Variants in SLC9A9 observed in about 807,000 individuals in gnomAD.
SLC9A9 encodes solute carrier family 9 member A9.
In SLC9A9, 62 loss-of-function variants were observed where a neutral mutation model predicts 77.8. That is an observed-to-expected ratio of 0.80 (90% CI 0.65 to 0.98). The LOEUF is 0.98. Ranked by LOEUF, SLC9A9 falls within the 50% of genes least tolerant of loss-of-function variation. SLC9A9 has a pLI of 0.00. For missense variants in SLC9A9, 775 were observed against 774.9 expected (o/e 1.00, Z 0.00); for synonymous variants, 320 against 283.5 (o/e 1.13, Z -1.29).
chr3:143,480,882 T>C (rs565713493), intron 11 of SLC9A9, among the ~76,000 whole-genome samples: 1 of 152,214 alleles, frequency 6.6e-6, no homozygotes, highest in East Asian at 1.9e-4. Context: ...TTCCTGACAG[T>C]GTGATGGTAT....
In SLC9A9 at chr3:143,435,658, A is replaced by G. The variant is rs74664370; in HGVS notation, c.1469+31379T>C. ...TATCTTAAAGGTAGGAATCAATGACATCAAATTTTTTGGGTGATATGGGGC... is the reference window on the plus strand; with the variant it reads ...TATCTTAAAGGTAGGAATCAATGACGTCAAATTTTTTGGGTGATATGGGGC... On this transcript the variant is annotated intron_variant, in intron 12 of 15. Coordinates refer to ENST00000316549, the MANE Select transcript of SLC9A9 (RefSeq NM_173653.4). Among the ~76,000 whole-genome samples, 154 of 152,264 alleles carry G rather than the reference A, an allele frequency of 1.0e-3. 2 individuals are homozygous for G. The East Asian group carries it at 0.024, about 24-fold the overall frequency.
chr3:143,303,783 A>C (rs2030644951), intron 14 of SLC9A9, among the ~76,000 whole-genome samples: 1 of 152,186 alleles, frequency 6.6e-6, no homozygotes, highest in Non-Finnish European at 1.5e-5. Flanking sequence ...ATGACCTCTG[A>C]GATTTCCCTT....
intron 6 of SLC9A9, among the ~76,000 whole-genome samples, chr3:143,631,662 G>T (rs780313698): frequency 6.6e-6 from 1 of 152,028 alleles, no homozygotes; most frequent in African/African-American, 2.4e-5. Context: ...TCAGTTTGGA[G>T]GTGTTGTGCC....
chr3:143,577,557 G>C (rs962388370), intron 7 of SLC9A9, among the ~76,000 whole-genome samples: 1 of 152,154 alleles, frequency 6.6e-6, no homozygotes, highest in Non-Finnish European at 1.5e-5. Context: ...ATGCGGCTCT[G>C]GCACTCACTT....
intron 2 of SLC9A9, 26 bp from the exon 3 acceptor site, chr3:143,796,929 T>C: frequency 1.3e-6 from 2 of 1,561,616 alleles, no homozygotes; most frequent in Non-Finnish European, 1.8e-6. Context: ...AAAAGGATAG[T>C]TAGAATGATG....
intron 9 of SLC9A9, among the ~76,000 whole-genome samples, chr3:143,528,519 A>C (rs2036445909): frequency 6.6e-6 from 1 of 152,210 alleles, no homozygotes; most frequent in Admixed American, 6.5e-5. Flanking sequence ...TTCCCGTTTT[A>C]GCACTGAAAG....
chr3:143,726,984 T>C (rs1934670418), intron 4 of SLC9A9, among the ~76,000 whole-genome samples: 1 of 151,628 alleles, frequency 6.6e-6, no homozygotes, highest in Non-Finnish European at 1.5e-5. Flanking sequence ...TCATAGAAAA[T>C]GTTGAACAGA....
intron 5 of SLC9A9, among the ~76,000 whole-genome samples, chr3:143,667,215 A>G (rs1462244478): frequency 6.6e-6 from 1 of 152,224 alleles, no homozygotes; most frequent in African/African-American, 2.4e-5. Flanking sequence ...AAACCTGACC[A>G]AAAAAGAAAT....
At chr3:143,767,890 C>T (rs923459182) in intron 4 of SLC9A9, among the ~76,000 whole-genome samples, 1 of 152,066 alleles carries the variant, frequency 6.6e-6, no homozygotes, top group Admixed American at 6.6e-5. Flanking sequence ...GTAATTATGT[C>T]TCTCACTTCC....
In SLC9A9 at chr3:143,267,042, G is replaced by T. The variant is rs931153257; in HGVS notation, c.1711-113C>A. 114 of 936,806 alleles carry T rather than the reference G, an allele frequency of 1.2e-4. No homozygotes were observed. In the East Asian group the frequency reaches 2.9e-3, roughly 24 times the overall value. 58.0% of individuals were successfully genotyped at this position (936,806 alleles called of 1,614,324 possible). A position where few individuals can be genotyped will look rare whatever the true frequency, so the allele number is the denominator to read the frequency against. On this transcript the variant is annotated intron_variant, in intron 15 of 15. Coordinates refer to ENST00000316549, the MANE Select transcript of SLC9A9 (RefSeq NM_173653.4). ...AATGCATGTTTTCCTTTCTGTAACT[G>T]CCCTGTCTGGCCTTGGCTGATGTTT...
intron 14 of SLC9A9, among the ~76,000 whole-genome samples, chr3:143,352,043 G>C (rs2032468219): frequency 6.6e-6 from 1 of 152,162 alleles, no homozygotes; most frequent in Admixed American, 6.5e-5. Context: ...GGGTACTCTG[G>C]GGACTTCTCT....
At position 143,742,422 on chromosome 3, in the gene SLC9A9, T is replaced by C. The variant is rs1369986141; in HGVS notation, c.534-49115A>G. Among the ~76,000 whole-genome samples the C allele has an allele frequency of 2.0e-5, 3 of 152,204 alleles. No individual in the cohort carries two copies. The East Asian group carries it at 5.8e-4, about 29-fold the overall frequency. Reference sequence around the variant, plus strand: ...TTCCCCTGTCTTGATGAATTGGCTCTGTCTAGGCAGTAGGCAAGGTGAACC... The same window carrying C: ...TTCCCCTGTCTTGATGAATTGGCTCCGTCTAGGCAGTAGGCAAGGTGAACC... On this transcript the variant is annotated intron_variant, in intron 4 of 15. Coordinates refer to ENST00000316549, the MANE Select transcript of SLC9A9 (RefSeq NM_173653.4).
chr3:143,673,434 G>A (rs1027334277), intron 5 of SLC9A9, among the ~76,000 whole-genome samples: 8 of 151,940 alleles, frequency 5.3e-5, no homozygotes, highest in Non-Finnish European at 7.4e-5. Flanking sequence ...GGTGTAGACT[G>A]GCAGTCAAAT....
intron 6 of SLC9A9, among the ~76,000 whole-genome samples, chr3:143,618,347 T>C (rs1475132560): frequency 2.0e-5 from 3 of 151,750 alleles, no homozygotes; most frequent in Non-Finnish European, 4.4e-5. Flanking sequence ...TGGAAGGGAG[T>C]GTAAAGAAAA....
At position 143,575,819 on chromosome 3, in the gene SLC9A9, G is replaced by A. The variant is rs190610270; in HGVS notation, c.895-1626C>T. Among the ~76,000 whole-genome samples the A allele has an allele frequency of 1.2e-4, 18 of 152,282 alleles. No homozygotes were observed. In the South Asian group the frequency reaches 2.1e-3, roughly 18 times the overall value. On this transcript the variant is annotated intron_variant, in intron 7 of 15. Transcript: ENST00000316549. The stretch of plus-strand genomic sequence containing the variant: ...TGCAGAGCTCAGGGGCCTACAACCC[G>A]AGGAGACAGCCTCAGAATGAAATGG...
At chr3:143,578,848 G>A in intron 6 of SLC9A9, 125 bp from the exon 7 acceptor site, 1 of 1,133,546 alleles carries the variant, frequency 8.8e-7, no homozygotes, top group South Asian at 1.3e-5. Flanking sequence ...GAAGAGTTAG[G>A]GGAAAACAGA....
chr3:143,402,550 T>A (rs1281311075), intron 12 of SLC9A9, among the ~76,000 whole-genome samples: 3 of 151,478 alleles, frequency 2.0e-5, no homozygotes, highest in Non-Finnish European at 4.4e-5. Context: ...TGTTGTTGAG[T>A]GCATCTATGT....
chr3:143,693,412 A>G lies in SLC9A9; in HGVS notation c.534-105T>C, dbSNP rs545869942. 7 of 892,790 alleles carry G rather than the reference A, an allele frequency of 7.8e-6. No homozygotes were observed. The South Asian group carries it at 9.7e-5, about 12-fold the overall frequency. 55.3% of individuals were successfully genotyped at this position (892,790 alleles called of 1,614,324 possible). A position where few individuals can be genotyped will look rare whatever the true frequency, so the allele number is the denominator to read the frequency against. On this transcript the variant is annotated intron_variant, in intron 4 of 15. Transcript: ENST00000316549. ...TGTTTTTCCTGAATACGTATCATGCACAAATTGCCACCATCCTGCCAAATG... is the reference window on the plus strand; with the variant it reads ...TGTTTTTCCTGAATACGTATCATGCGCAAATTGCCACCATCCTGCCAAATG...
At chr3:143,519,737 A>G (rs1365429729) in intron 9 of SLC9A9, among the ~76,000 whole-genome samples, 1 of 152,164 alleles carries the variant, frequency 6.6e-6, no homozygotes, top group African/African-American at 2.4e-5. Flanking sequence ...GCGAGTGAGA[A>G]GAGACACAAT....
Sources: gnomAD v4.1 joint callset for allele counts (sites outside exome capture counted in the v4.1 genomes callset) on GRCh38, gnomAD v4.1.1 for gene constraint, MANE v1.5 for transcripts, NCBI Gene and HGNC (gene_info 2026-07-23, HGNC 2026-07-21) for gene names.